RHBDD1: variants seen among roughly 807,000 people sequenced by gnomAD.
RHBDD1 encodes the protein rhomboid domain containing 1.
A neutral mutation model predicts 36.3 loss-of-function variants in RHBDD1; 38 were observed. The observed-to-expected ratio is 1.05, with a 90% CI of 0.81 to 1.37. The LOEUF (loss-of-function observed/expected upper bound fraction) is 1.37, where lower values mean the gene tolerates loss of function less well. Ranked by LOEUF, RHBDD1 falls within the 40% of genes most tolerant of loss-of-function variation. The probability of loss-of-function intolerance (pLI) is 0.00; values close to 1 mark genes in which losing one functional copy is unlikely to be tolerated. For missense variants in RHBDD1, 393 were observed against 377.6 expected (o/e 1.04, Z -0.34); for synonymous variants, 151 against 136.5 (o/e 1.11, Z -0.74).
At chr2:226,859,230 C>G (rs372289046) in intron 3 of RHBDD1, among the ~76,000 whole-genome samples, 1 of 152,164 alleles carries the variant, frequency 6.6e-6, no homozygotes, top group Admixed American at 6.5e-5. Flanking sequence ...CAGCCAACTA[C>G]AGATTGAAAA....
intron 5 of RHBDD1, among the ~76,000 whole-genome samples, chr2:226,869,953 A>C (rs139369567): frequency 1.1e-4 from 16 of 152,218 alleles, no homozygotes; most frequent in Non-Finnish European, 1.6e-4. Context: ...GATTCTGTTG[A>C]TGGGAGGAAG....
intron 8 of RHBDD1, among the ~76,000 whole-genome samples, chr2:226,988,052 A>C (rs1375189640): frequency 6.6e-6 from 1 of 152,142 alleles, no homozygotes; most frequent in African/African-American, 2.4e-5. Flanking sequence ...CTTAGGATGA[A>C]AGTCATAGCA....
Position 226,997,532 on chromosome 2 carries a change from G to C in RHBDD1, c.*2010G>C. On this transcript the variant is annotated 3_prime_UTR_variant, in exon 9 of 9. Coordinates refer to ENST00000392062, the MANE Select transcript of RHBDD1 (RefSeq NM_001167608.3). ...CCGTCTCCCCTTTCCAACCCCAAAG[G>C]CTCACGATAGGGGCTCACTAAATGT... 6.6e-6 allele frequency: 1 copy of C among 152,166 alleles called. No homozygotes were observed. Among genetic ancestry groups the C allele is most frequent in the African/African-American group, 2.4e-5 (1 of 41,442 alleles). The allele number at this position is 152,166 out of a possible 1,614,324, so 9.4% of individuals were successfully genotyped here. A position where few individuals can be genotyped will look rare whatever the true frequency, so the allele number is the denominator to read the frequency against.
chr2:226,948,386 G>A (rs1394580937), intron 8 of RHBDD1, among the ~76,000 whole-genome samples: 2 of 136,216 alleles, frequency 1.5e-5, no homozygotes, highest in Non-Finnish European at 3.1e-5. Flanking sequence ...ATGGACACAG[G>A]AAGGGGAATA....
At chr2:226,820,276 A>C in the RHBDD1 span, among the ~76,000 whole-genome samples, 1 of 152,202 alleles carries the variant, frequency 6.6e-6, no homozygotes, top group Non-Finnish European at 1.5e-5. Context: ...ACCAAACAGT[A>C]TCTCCACAGG....
intron 8 of RHBDD1, among the ~76,000 whole-genome samples, chr2:226,972,119 C>T (rs1559326803): frequency 1.3e-5 from 2 of 152,114 alleles, no homozygotes; most frequent in Non-Finnish European, 2.9e-5. Context: ...TGCTGTTCCA[C>T]TCCCTGTATC....
At position 226,997,901 on chromosome 2, in the gene RHBDD1, A is replaced by G. The variant is rs946465273; in HGVS notation, c.*2379A>G. 2 of 152,224 alleles carry G rather than the reference A, an allele frequency of 1.3e-5. No homozygotes were observed. The highest frequency in any genetic ancestry group is 2.9e-5 in the Non-Finnish European group (2 of 68,036). 9.4% of individuals were successfully genotyped at this position (152,224 alleles called of 1,614,324 possible). On this transcript the variant is annotated 3_prime_UTR_variant, in exon 9 of 9. Coordinates refer to ENST00000392062, the MANE Select transcript of RHBDD1 (RefSeq NM_001167608.3). ...ACAAGTGCTTATGTTTGGAATGTCCATTTTATTTTATTTTCCTCTACAATA... is the reference window on the plus strand; with the variant it reads ...ACAAGTGCTTATGTTTGGAATGTCCGTTTTATTTTATTTTCCTCTACAATA...
chr2:226,957,757 G>C (rs1344986355), intron 8 of RHBDD1, among the ~76,000 whole-genome samples: 1 of 152,110 alleles, frequency 6.6e-6, no homozygotes, highest in African/African-American at 2.4e-5. Context: ...TTTATCCAAA[G>C]AAGATGTACA....
chr2:226,876,341 C>A (rs936703177), intron 5 of RHBDD1, among the ~76,000 whole-genome samples: 1 of 152,126 alleles, frequency 6.6e-6, no homozygotes. Context: ...CTGAGAGAAT[C>A]GAAAAGAGCA....
chr2:226,802,091 A>G, the RHBDD1 span, among the ~76,000 whole-genome samples: 2 of 151,840 alleles, frequency 1.3e-5, no homozygotes, highest in Admixed American at 6.6e-5. Context: ...CTTTTCTGGA[A>G]GGAGGGGAGG....
chr2:226,896,095 A>G (rs368095966), intron 5 of RHBDD1, among the ~76,000 whole-genome samples: 1 of 152,228 alleles, frequency 6.6e-6, no homozygotes, highest in Non-Finnish European at 1.5e-5. Flanking sequence ...ACTGTATACA[A>G]TTATTCTAGG....
rs1944204249 is a variant in RHBDD1, at chr2:226,864,963, G to A, written c.270G>A (p.Trp90Ter). The change falls in exon 4 of 9, where the codon TGG (tryptophan) becomes TGA (stop). Residue 90 changes from tryptophan (W) to a stop codon, truncating the protein, a stop_gained. Coordinates refer to ENST00000392062, the MANE Select transcript of RHBDD1 (RefSeq NM_001167608.3). LOFTEE classifies it high-confidence loss of function. ...ATTTCAATATGGCATCCATGCTCTG[G>A]AAAGGAATAAATCTAGAAAGAAGAC... ...HLYFNMASML[W>*]KGINLERRLG... 6.2e-7 allele frequency: 1 copy of A among 1,614,224 alleles called. No individual in the cohort carries two copies. Among genetic ancestry groups the A allele is most frequent in the South Asian group, 1.1e-5 (1 of 91,084 alleles).
chr2:226,895,659 TG>T lies in RHBDD1; in HGVS notation c.567-11133del, dbSNP rs2125540477. 3.0e-6 allele frequency: 3 copies of T among 985,290 alleles called. No homozygotes were observed. In the South Asian group the frequency reaches 1.4e-4, roughly 46 times the overall value. The allele number at this position is 985,290 out of a possible 1,614,324, so 61.0% of individuals were successfully genotyped here. ...TTTAATTTAGGACAACCTGCCATTT[TG>T]TTCTGAAGATTTGAATAGCAACACA... On this transcript the variant is annotated intron_variant, in intron 5 of 8. Coordinates refer to ENST00000392062, the MANE Select transcript of RHBDD1 (RefSeq NM_001167608.3).
chr2:226,875,081 T>C (rs549327892), intron 5 of RHBDD1, among the ~76,000 whole-genome samples: 28 of 152,354 alleles, frequency 1.8e-4, no homozygotes, highest in African/African-American at 6.7e-4. Context: ...ATAATTAATC[T>C]GTGTTTTTCA....
At chr2:226,964,426 A>G (rs1952464834) in intron 8 of RHBDD1, among the ~76,000 whole-genome samples, 1 of 151,986 alleles carries the variant, frequency 6.6e-6, no homozygotes, top group African/African-American at 2.4e-5. Flanking sequence ...GGCTTTCCTA[A>G]TATGGTCTGG....
At chr2:226,984,051 G>A (rs1226988329) in intron 8 of RHBDD1, among the ~76,000 whole-genome samples, 2 of 152,136 alleles carry the variant, frequency 1.3e-5, no homozygotes, top group Admixed American at 6.5e-5. Context: ...TGCTGTCTCC[G>A]GCAATTATGA....
At chr2:226,951,828 C>T (rs1030717511) in intron 8 of RHBDD1, among the ~76,000 whole-genome samples, 7 of 152,174 alleles carry the variant, frequency 4.6e-5, no homozygotes, top group Non-Finnish European at 1.0e-4. Flanking sequence ...AAGAGAATAA[C>T]CTTTGTTGTC....
upstream of RHBDD1, among the ~76,000 whole-genome samples, chr2:226,832,269 C>T (rs1347528666): frequency 6.6e-6 from 1 of 152,152 alleles, no homozygotes; most frequent in Non-Finnish European, 1.5e-5. Flanking sequence ...AATCTAATTT[C>T]CAAACATCTG....
chr2:226,888,956 A>G (rs1437227306), intron 5 of RHBDD1, among the ~76,000 whole-genome samples: 1 of 152,204 alleles, frequency 6.6e-6, no homozygotes, highest in Non-Finnish European at 1.5e-5. Context: ...TTGTAGTTGG[A>G]TACAGAAAGG....
Sources: gnomAD v4.1 joint callset for allele counts (sites outside exome capture counted in the v4.1 genomes callset) on GRCh38, gnomAD v4.1.1 for gene constraint, MANE v1.5 for transcripts, NCBI Gene and HGNC (gene_info 2026-07-23, HGNC 2026-07-21) for gene names.